Variants in ADCY1 observed in about 807,000 individuals in gnomAD.
ADCY1 encodes adenylate cyclase type 1.
Under a neutral mutation model 105.4 loss-of-function variants are expected in ADCY1, and 28 were observed. The observed-to-expected ratio is 0.27, with a 90% confidence interval of 0.20 to 0.36. The LOEUF (loss-of-function observed/expected upper bound fraction) is 0.36, where lower values mean the gene tolerates loss of function less well. ADCY1 is among the 10% of genes least tolerant of loss of function. The probability of loss-of-function intolerance (pLI) is 1.00; values close to 1 mark genes in which losing one functional copy is unlikely to be tolerated. For synonymous variants in ADCY1, 655 were observed against 623.8 expected, an observed-to-expected ratio of 1.05 and a Z score of -0.75; for missense variants, 977 against 1,434.2, an observed-to-expected ratio of 0.68 and a Z score of 5.15.
At chr7:45,596,135 CAT>C (rs1793064479) in intron 2 of ADCY1, among the ~76,000 whole-genome samples, 1 of 152,246 alleles carries the variant, frequency 6.6e-6, no homozygotes, top group Non-Finnish European at 1.5e-5. Flanking sequence ...GCCCAGGCCT[CAT>C]GTGTGTCAGC....
At chr7:45,681,212 C>G (rs1202058210) in intron 11 of ADCY1, among the ~76,000 whole-genome samples, 3 of 152,206 alleles carry the variant, frequency 2.0e-5, no homozygotes, top group African/African-American at 7.2e-5. Flanking sequence ...AGTCATCTGC[C>G]CAGAATTACC....
At chr7:45,612,166 G>C (rs1793611112) in intron 3 of ADCY1, among the ~76,000 whole-genome samples, 1 of 152,212 alleles carries the variant, frequency 6.6e-6, no homozygotes, top group Admixed American at 6.5e-5. Context: ...GGATGCTTAA[G>C]CAATGTGGGG....
intron 4 of ADCY1, among the ~76,000 whole-genome samples, chr7:45,643,995 A>C (rs919248948): frequency 5.3e-5 from 8 of 152,180 alleles, no homozygotes; most frequent in African/African-American, 1.7e-4. Flanking sequence ...CTGTAGCAGG[A>C]AGCTTCCTCT....
At chr7:45,617,098 G>A (rs1225076606) in intron 3 of ADCY1, among the ~76,000 whole-genome samples, 1 of 152,244 alleles carries the variant, frequency 6.6e-6, no homozygotes, top group Non-Finnish European at 1.5e-5. Context: ...GCTACAGCAA[G>A]ATGCCATTTT....
chr7:45,678,141 A>T (rs1351559994), intron 9 of ADCY1, 25 bp from the exon 10 acceptor site: 27 of 1,613,996 alleles, frequency 1.7e-5, no homozygotes, highest in Non-Finnish European at 2.3e-5. Context: ...CTCAGCCCTG[A>T]TGGATTGACT....
Position 45,657,770 on chromosome 7 carries a change from G to C in ADCY1, c.1192G>C (p.Gly398Arg). ...ATEVDLNMRV[G>R]LHTGRVLCGV... ...CGAGGTGGATCTGAACATGCGTGTG[G>C]GTCTGCACACGGGCAGGGTCCTCTG... Residue 398 changes from glycine to arginine, a missense_variant, in exon 6 of 20, where the codon GGT (glycine) becomes CGT (arginine). Gly to Arg is a moderately radical substitution (Grantham distance 125). Around this residue, in one of 7 missense-constraint regions of ADCY1, gnomAD observed 196 missense variants for 347.8 expected, o/e 0.56. Transcript: ENST00000297323. The C allele has an allele frequency of 6.2e-7, 1 of 1,614,094 alleles. No homozygotes were observed. The highest frequency in any genetic ancestry group is 8.5e-7 in the Non-Finnish European group (1 of 1,180,000).
In ADCY1 at chr7:45,722,742, C is replaced by T. The variant is rs1204062161; in HGVS notation, c.*8747C>T. The T allele has an allele frequency of 1.3e-5, 2 of 152,530 alleles. No individual in the cohort carries two copies. Among genetic ancestry groups the T allele is most frequent in the Non-Finnish European group, 2.9e-5 (2 of 68,016 alleles). The allele number at this position is 152,530 out of a possible 1,614,324, so 9.4% of individuals were successfully genotyped here. ...TCTATGGAATGGAGAGTGATGTGGGCAAGGGTGTCATTTTCTCGCACAATA... is the reference window on the plus strand; with the variant it reads ...TCTATGGAATGGAGAGTGATGTGGGTAAGGGTGTCATTTTCTCGCACAATA... On this transcript the variant is annotated 3_prime_UTR_variant, in exon 20 of 20. Transcript: ENST00000297323.
At chr7:45,601,960 C>T (rs1426360167) in intron 2 of ADCY1, among the ~76,000 whole-genome samples, 1 of 152,088 alleles carries the variant, frequency 6.6e-6, no homozygotes, top group Non-Finnish European at 1.5e-5. Flanking sequence ...TGTAGAGATG[C>T]TCTCAGAAGT....
At chr7:45,670,009 T>C (rs896056486) in intron 8 of ADCY1, among the ~76,000 whole-genome samples, 2 of 152,254 alleles carry the variant, frequency 1.3e-5, no homozygotes, top group African/African-American at 2.4e-5. Flanking sequence ...GGCTAATTAT[T>C]TCAAGAAAGT....
rs918162273 is a variant in ADCY1 at position 45,603,956 on chromosome 7, T to C, written c.790-6423T>C. On this transcript the variant is annotated intron_variant, in intron 2 of 19. Coordinates refer to ENST00000297323, the MANE Select transcript of ADCY1 (RefSeq NM_021116.4). ...CACAGTTTGTTTAATTGTTGGCCCA[T>C]TGAAGAATGTCTTGGTAGTTTCCAG... Among the ~76,000 whole-genome samples the C allele has an allele frequency of 3.2e-4, 49 of 152,330 alleles. No homozygotes were observed. The Middle Eastern group carries it at 0.01, about 32-fold the overall frequency.
chr7:45,640,953 C>T (rs754114679), intron 4 of ADCY1, among the ~76,000 whole-genome samples: 1 of 152,206 alleles, frequency 6.6e-6, no homozygotes, highest in South Asian at 2.1e-4. Flanking sequence ...GGTCCCTGCT[C>T]TATCTCACAG....
At chr7:45,600,014 CTTCTTGGTT>C (rs757864348) in intron 2 of ADCY1, among the ~76,000 whole-genome samples, 3 of 152,222 alleles carry the variant, frequency 2.0e-5, no homozygotes, top group Non-Finnish European at 4.4e-5. Flanking sequence ...ACACACTGGT[CTTCTTGGTT>C]CTCCCTGATG....
intron 2 of ADCY1, among the ~76,000 whole-genome samples, chr7:45,593,781 C>G (rs2115784016): frequency 6.6e-6 from 1 of 152,356 alleles, no homozygotes; most frequent in South Asian, 2.1e-4. Flanking sequence ...TAAAAACTCA[C>G]AAACACATTT....
Position 45,718,598 on chromosome 7 carries a change from A to AGATGCTGCAGGCAGGT in ADCY1, c.*4605_*4620dup, listed in dbSNP as rs1298463872. 2.6e-5 allele frequency: 4 copies of AGATGCTGCAGGCAGGT among 152,404 alleles called. No homozygotes were observed. The highest frequency in any genetic ancestry group is 2.6e-4 in the Admixed American group (4 of 15,286). The allele number at this position is 152,404 out of a possible 1,614,324, so 9.4% of individuals were successfully genotyped here. On this transcript the variant is annotated 3_prime_UTR_variant, in exon 20 of 20. Transcript: ENST00000297323. ...TCCATGCTCTTTGGCACCAGGCAGG[A>AGATGCTGCAGGCAGGT]GATGCTGCAGGCAGGTGTCCGTAGT...
intron 8 of ADCY1, among the ~76,000 whole-genome samples, chr7:45,663,739 A>G (rs1019850227): frequency 2.0e-5 from 3 of 152,130 alleles, no homozygotes; most frequent in Admixed American, 6.5e-5. Context: ...GAATCGCTTT[A>G]ACCCGGGAGG....
intron 6 of ADCY1, among the ~76,000 whole-genome samples, chr7:45,658,770 G>A (rs959973849): frequency 6.6e-6 from 1 of 152,226 alleles, no homozygotes; most frequent in African/African-American, 2.4e-5. Flanking sequence ...AGACAGCCTC[G>A]GTGACCGTTG....
chr7:45,644,343 G>A (rs368802624), intron 4 of ADCY1, among the ~76,000 whole-genome samples: 2 of 152,122 alleles, frequency 1.3e-5, no homozygotes, highest in Admixed American at 1.3e-4. Context: ...CTTCTGGGAC[G>A]GGTCCTGGGG....
intron 8 of ADCY1, among the ~76,000 whole-genome samples, chr7:45,663,595 C>T (rs368824187): frequency 6.6e-6 from 1 of 152,194 alleles, no homozygotes; most frequent in African/African-American, 2.4e-5. Context: ...CCAAGGCAGG[C>T]GGATCACGAG....
At chr7:45,639,786 T>G (rs1794489912) in intron 4 of ADCY1, among the ~76,000 whole-genome samples, 1 of 151,982 alleles carries the variant, frequency 6.6e-6, no homozygotes, top group African/African-American at 2.4e-5. Context: ...AGTAGACTGG[T>G]CAGTGTGGTG....
Sources: gnomAD v4.1 joint callset for allele counts (sites outside exome capture counted in the v4.1 genomes callset) on GRCh38, gnomAD v4.1.1 for gene constraint, gnomAD v4.1.1 regional missense constraint, MANE v1.5 for transcripts, NCBI Gene and HGNC (gene_info 2026-07-23, HGNC 2026-07-21) for gene names.